The following ADGRL3 variants were observed in gnomAD, a reference collection of about 807,000 sequenced individuals.
The protein encoded by ADGRL3 is adhesion G protein-coupled receptor L3.
In ADGRL3, 62 loss-of-function variants were observed where a neutral mutation model predicts 153.5. The ratio of observed to expected loss-of-function variants is 0.40; its 90% CI spans 0.33 to 0.50. The LOEUF (loss-of-function observed/expected upper bound fraction) is 0.50. Among genes scored for constraint, ADGRL3 ranks in the 20% least tolerant of loss-of-function variants. The pLI is 0.47. For missense variants in ADGRL3, 1,641 were observed against 1,859.4 expected (o/e 0.88, Z 2.16); for synonymous variants, 710 against 672.5 (o/e 1.06, Z -0.86).
intron 2 of ADGRL3, chr4:61,427,759 C>G (rs1031305992): frequency 6.5e-6 from 1 of 152,786 alleles, no homozygotes; most frequent in African/African-American, 2.4e-5. Flanking sequence ...ATTCTCGTTT[C>G]AAGCTGTATG....
At chr4:61,348,906 A>C (rs1445999654) in intron 1 of ADGRL3, among the ~76,000 whole-genome samples, 1 of 152,062 alleles carries the variant, frequency 6.6e-6, no homozygotes, top group East Asian at 1.9e-4. Context: ...CCAAAGAAAT[A>C]ATACAGTGTA....
At chr4:61,634,114 T>A (rs2093311758) in intron 5 of ADGRL3, among the ~76,000 whole-genome samples, 1 of 152,176 alleles carries the variant, frequency 6.6e-6, no homozygotes, top group Non-Finnish European at 1.5e-5. Context: ...CGACTTGACA[T>A]CTATTTTACG....
intron 2 of ADGRL3, among the ~76,000 whole-genome samples, chr4:61,421,423 T>C (rs1044539193): frequency 6.6e-6 from 1 of 151,914 alleles, no homozygotes; most frequent in African/African-American, 2.4e-5. Flanking sequence ...ATGAGATGCA[T>C]GTGAAAAGCA....
chr4:61,871,296 G>A (rs2098444266), intron 9 of ADGRL3, among the ~76,000 whole-genome samples: 1 of 150,750 alleles, frequency 6.6e-6, no homozygotes, highest in Non-Finnish European at 1.5e-5. Context: ...AAAAAAAAGT[G>A]TACACAAATG....
Position 61,895,732 on chromosome 4 carries a change from T to A in ADGRL3, c.1785T>A (p.Gly595=). Residue 595 remains glycine, a splice_region_variant and synonymous_variant, in exon 11 of 27, where the codon GGT becomes GGA. Transcript: ENST00000683033. ...GATACATTTCTCTCATTATTACAGGTGTATCAACTTATCTATGCCTTGCTC... is the reference window on the plus strand; with the variant it reads ...GATACATTTCTCTCATTATTACAGGAGTATCAACTTATCTATGCCTTGCTC... ...AKQPCPAGTI[G]VSTYLCLAPD... 6.5e-7 allele frequency: 1 copy of A among 1,540,442 alleles called. No homozygotes were observed. The highest frequency in any genetic ancestry group is 8.9e-7 in the Non-Finnish European group (1 of 1,122,464).
chr4:61,725,340 C>A (rs1287873758), intron 6 of ADGRL3, among the ~76,000 whole-genome samples: 1 of 152,028 alleles, frequency 6.6e-6, no homozygotes, highest in African/African-American at 2.4e-5. Context: ...AGGCTGGGTG[C>A]AGTGGCTCAT....
chr4:62,001,769 CTTTTTT>C, intron 21 of ADGRL3, among the ~76,000 whole-genome samples: 1 of 151,886 alleles, frequency 6.6e-6, no homozygotes, highest in Middle Eastern at 3.4e-3. Flanking sequence ...ATCTGGAAAA[CTTTTTT>C]TTAGTATATT....
intron 5 of ADGRL3, among the ~76,000 whole-genome samples, chr4:61,616,828 CT>C (rs938913812): frequency 1.1e-4 from 17 of 150,698 alleles, no homozygotes; most frequent in East Asian, 3.9e-4. Flanking sequence ...ATTTTTTTAA[CT>C]TTTTTTTTAG....
intron 21 of ADGRL3, among the ~76,000 whole-genome samples, chr4:62,002,152 A>C (rs1448642776): frequency 6.6e-6 from 1 of 150,882 alleles, no homozygotes; most frequent in Non-Finnish European, 1.5e-5. Context: ...CTCTTGAAAA[A>C]CTTAAATCTG....
chr4:61,775,386 TC>T (rs1444735716), intron 8 of ADGRL3: 11 of 486,910 alleles, frequency 2.3e-5, no homozygotes, highest in Non-Finnish European at 4.1e-5. Flanking sequence ...GCTAAAATTT[TC>T]TTTTTTTTCT....
intron 9 of ADGRL3, among the ~76,000 whole-genome samples, chr4:61,819,513 T>C (rs2097727153): frequency 6.6e-6 from 1 of 152,134 alleles, no homozygotes; most frequent in Non-Finnish European, 1.5e-5. Context: ...ATTTCACCAG[T>C]CTACATATAT....
intron 5 of ADGRL3, among the ~76,000 whole-genome samples, chr4:61,645,049 T>C (rs2093901464): frequency 6.6e-6 from 1 of 152,168 alleles, no homozygotes; most frequent in African/African-American, 2.4e-5. Flanking sequence ...TGGCCTTCTT[T>C]GTCTCTTTTG....
chr4:61,413,770 AC>A (rs1392298924), intron 2 of ADGRL3, among the ~76,000 whole-genome samples: 1 of 152,146 alleles, frequency 6.6e-6, no homozygotes, highest in East Asian at 1.9e-4. Context: ...AAACAAACAA[AC>A]AAACAAACAA....
At chr4:61,845,335 TATTA>T (rs1178774974) in intron 9 of ADGRL3, among the ~76,000 whole-genome samples, 2 of 151,996 alleles carry the variant, frequency 1.3e-5, no homozygotes, top group East Asian at 1.9e-4. Flanking sequence ...TCTTTTTATT[TATTA>T]ATTAACTGTT....
chr4:61,388,389 T>C (rs1244160704), intron 2 of ADGRL3, among the ~76,000 whole-genome samples: 1 of 152,192 alleles, frequency 6.6e-6, no homozygotes, highest in Admixed American at 6.5e-5. Flanking sequence ...CCACAGGAAA[T>C]GACCTCTTTC....
chr4:61,783,101 A>G, intron 8 of ADGRL3, among the ~76,000 whole-genome samples: 1 of 152,200 alleles, frequency 6.6e-6, no homozygotes, highest in East Asian at 1.9e-4. Flanking sequence ...TAGTTGATAC[A>G]GTGATACAAA....
At chr4:61,436,860 T>A (rs2097453398) in intron 2 of ADGRL3, among the ~76,000 whole-genome samples, 2 of 145,808 alleles carry the variant, frequency 1.4e-5, no homozygotes, top group South Asian at 4.6e-4. Flanking sequence ...AGCATTAGAA[T>A]AATGCTTTTA....
Position 61,948,197 on chromosome 4 carries a change from C to A in ADGRL3, c.2726C>A (p.Thr909Lys), listed in dbSNP as rs754478362. ...TCAACACAAGGCTGTCGGCTCCTGA[C>A]AACAAATAAGACACATACTACATGC... ...YWSTQGCRLL[T>K]TNKTHTTCSC... The change falls in exon 17 of 27, where the codon ACA becomes AAA. Residue 909 changes from threonine to lysine, a missense_variant. This residue lies in a region of ADGRL3 where 734 missense variants were observed against 797.0 expected (regional missense o/e 0.92). Transcript: ENST00000683033. 7 of 1,613,788 alleles carry A rather than the reference C, an allele frequency of 4.3e-6. No homozygotes were observed. The highest frequency in any genetic ancestry group is 5.9e-6 in the Non-Finnish European group (7 of 1,179,828).
At chr4:61,664,194 T>G (rs567454997) in intron 5 of ADGRL3, among the ~76,000 whole-genome samples, 1 of 152,324 alleles carries the variant, frequency 6.6e-6, no homozygotes, top group South Asian at 2.1e-4. Context: ...GAGAAACTAT[T>G]GGGAAATATT....
Sources: gnomAD v4.1 joint callset for allele counts (sites outside exome capture counted in the v4.1 genomes callset) on GRCh38, gnomAD v4.1.1 for gene constraint, gnomAD v4.1.1 regional missense constraint, MANE v1.5 for transcripts, NCBI Gene and HGNC (gene_info 2026-07-23, HGNC 2026-07-21) for gene names.